The following B3GLCT variants were observed in gnomAD, a reference collection of about 807,000 sequenced individuals.
B3GLCT encodes beta-1,3-glucosyltransferase.
B3GLCT carries 65 observed loss-of-function variants against 63.4 expected under a neutral mutation model. The ratio of observed to expected loss-of-function variants is 1.03; its 90% CI spans 0.84 to 1.26. B3GLCT has a LOEUF of 1.26. Ranked by LOEUF, B3GLCT falls within the 50% of genes most tolerant of loss-of-function variation. The pLI is 0.00. For synonymous variants in B3GLCT, 233 were observed against 219.2 expected, an observed-to-expected ratio of 1.06 and a Z score of -0.55; for missense variants, 577 against 604.8, an observed-to-expected ratio of 0.95 and a Z score of 0.48.
intron 6 of B3GLCT, among the ~76,000 whole-genome samples, chr13:31,254,791 C>A (rs1014412575): frequency 6.6e-6 from 1 of 152,164 alleles, no homozygotes; most frequent in African/African-American, 2.4e-5. Context: ...GGGACTCACA[C>A]CTGTAATCCC....
At chr13:31,294,892 G>T (rs1012019939) in intron 12 of B3GLCT, among the ~76,000 whole-genome samples, 1 of 147,038 alleles carries the variant, frequency 6.8e-6, no homozygotes, top group East Asian at 2.0e-4. Context: ...AGGCATTCTG[G>T]TTTTTTTTTT....
chr13:31,277,381 C>A (rs576761888), intron 10 of B3GLCT, among the ~76,000 whole-genome samples: 4 of 149,100 alleles, frequency 2.7e-5, no homozygotes, highest in African/African-American at 1.0e-4. Context: ...TAAGTTGTGA[C>A]GATAATGTAA....
At chr13:31,270,997 G>A (rs894208449) in intron 8 of B3GLCT, among the ~76,000 whole-genome samples, 36 of 152,202 alleles carry the variant, frequency 2.4e-4, no homozygotes, top group African/African-American at 8.2e-4. Flanking sequence ...CCCTACACAC[G>A]AGTTGAAGAG....
At chr13:31,310,529 C>A (rs2137921697) in intron 12 of B3GLCT, among the ~76,000 whole-genome samples, 1 of 152,308 alleles carries the variant, frequency 6.6e-6, no homozygotes. Flanking sequence ...AGAGCTGTAA[C>A]ACTGTAATCC....
intron 6 of B3GLCT, among the ~76,000 whole-genome samples, chr13:31,256,156 A>G (rs1436503187): frequency 6.6e-6 from 1 of 152,240 alleles, no homozygotes; most frequent in African/African-American, 2.4e-5. Flanking sequence ...CAAGACATTT[A>G]TGCAGCCAAA....
chr13:31,222,062 T>G (rs569254714), intron 2 of B3GLCT, among the ~76,000 whole-genome samples: 1 of 150,498 alleles, frequency 6.6e-6, no homozygotes, highest in African/African-American at 2.4e-5. Flanking sequence ...AGGTGCCCCT[T>G]CTGTGCTCCT....
At chr13:31,328,669 G>A in intron 14 of B3GLCT, among the ~76,000 whole-genome samples, 1 of 135,584 alleles carries the variant, frequency 7.4e-6, no homozygotes, top group East Asian at 2.2e-4. Context: ...CTCCAGCCTG[G>A]GCAGCAGAGT....
At chr13:31,282,023 AAGTTT>A (rs1873093443) in intron 10 of B3GLCT, among the ~76,000 whole-genome samples, 1 of 152,180 alleles carries the variant, frequency 6.6e-6, no homozygotes, top group South Asian at 2.1e-4. Context: ...ACTTTGCTCC[AAGTTT>A]AAGTTATCTC....
intron 10 of B3GLCT, among the ~76,000 whole-genome samples, 167 bp from the exon 11 acceptor site, chr13:31,284,481 T>G (rs1873219113): frequency 6.6e-6 from 1 of 152,214 alleles, no homozygotes; most frequent in Non-Finnish European, 1.5e-5. Flanking sequence ...AGGGTTTTAG[T>G]CAACAACGTT....
In B3GLCT at chr13:31,253,618, A is replaced by AAAAAAAAAAAAAC. The variant is rs1555249042; in HGVS notation, c.459+5655_459+5656insAAAAAAAAACAAA. Reference sequence around the variant, plus strand: ...CTCAAAAAAAAAAAAAAAAAAAAAAAAAACTAGAGAAGCAAGAGCAAGCAA... The same window carrying AAAAAAAAAAAAAC: ...CTCAAAAAAAAAAAAAAAAAAAAAAAAAAAAAAAAAAACAAACTAGAGAAGCAAGAGCAAGCAA... On this transcript the variant is annotated intron_variant, in intron 6 of 14. Transcript: ENST00000343307. Among the ~76,000 whole-genome samples, 4 of 82,312 alleles carry AAAAAAAAAAAAAC rather than the reference A, an allele frequency of 4.9e-5. 1 individual carries two copies. Among genetic ancestry groups the AAAAAAAAAAAAAC allele is most frequent in the South Asian group, 5.1e-4 (1 of 1,954 alleles). 54.0% of individuals were successfully genotyped at this position (82,312 alleles called of 152,430 possible). A position where few individuals can be genotyped will look rare whatever the true frequency, so the allele number is the denominator to read the frequency against.
intron 10 of B3GLCT, among the ~76,000 whole-genome samples, chr13:31,279,456 A>G (rs570130815): frequency 7.6e-4 from 116 of 152,266 alleles, no homozygotes; most frequent in African/African-American, 2.6e-3. Context: ...CGGGGGAGAC[A>G]TCACATGTTG....
chr13:31,208,844 C>CG (rs1869115643), intron 1 of B3GLCT, among the ~76,000 whole-genome samples: 1 of 152,012 alleles, frequency 6.6e-6, no homozygotes, highest in Admixed American at 6.6e-5. Flanking sequence ...TCCCCAATAC[C>CG]ACCCCCTCCC....
At chr13:31,290,112 G>C (rs1473458520) in intron 12 of B3GLCT, among the ~76,000 whole-genome samples, 1 of 152,100 alleles carries the variant, frequency 6.6e-6, no homozygotes, top group Non-Finnish European at 1.5e-5. Flanking sequence ...CTGAGAACAT[G>C]TGGCGTTTGG....
At chr13:31,261,204 G>A in intron 7 of B3GLCT, 122 bp downstream of exon 7, 1 of 1,178,340 alleles carries the variant, frequency 8.5e-7, no homozygotes, top group Non-Finnish European at 1.2e-6. Context: ...GAGGCAGTGT[G>A]TGGTAAGATC....
At chr13:31,238,402 T>C (rs1366034347) in intron 4 of B3GLCT, among the ~76,000 whole-genome samples, 2 of 152,240 alleles carry the variant, frequency 1.3e-5, no homozygotes, top group African/African-American at 4.8e-5. Flanking sequence ...ATCTCCAGTT[T>C]TGAAGCTTAT....
Position 31,330,680 on chromosome 13 carries a change from G to A in B3GLCT, c.*1012G>A, listed in dbSNP as rs1875877018. 6.6e-6 allele frequency: 1 copy of A among 151,638 alleles called. No homozygotes were observed. The highest frequency in any genetic ancestry group is 2.4e-5 in the African/African-American group (1 of 41,280). 9.4% of individuals were successfully genotyped at this position (151,638 alleles called of 1,614,324 possible). A position where few individuals can be genotyped will look rare whatever the true frequency, so the allele number is the denominator to read the frequency against. ...CATTTGAACACAGTATTTTGAAACAGCTCTAGTTTTCAAATTATATCTTTA... is the reference window on the plus strand; with the variant it reads ...CATTTGAACACAGTATTTTGAAACAACTCTAGTTTTCAAATTATATCTTTA... On this transcript the variant is annotated 3_prime_UTR_variant, in exon 15 of 15. Coordinates refer to ENST00000343307, the MANE Select transcript of B3GLCT (RefSeq NM_194318.4).
chr13:31,281,597 A>C (rs1057197268), intron 10 of B3GLCT, among the ~76,000 whole-genome samples: 16 of 152,180 alleles, frequency 1.1e-4, no homozygotes, highest in Non-Finnish European at 2.4e-4. Context: ...GTGTTAGGGC[A>C]TCCAGGAGGG....
chr13:31,212,851 C>T (rs1869341917), intron 1 of B3GLCT, among the ~76,000 whole-genome samples: 1 of 152,142 alleles, frequency 6.6e-6, no homozygotes, highest in Admixed American at 6.5e-5. Flanking sequence ...GTATGATATT[C>T]CTTAAGTAAT....
At chr13:31,278,420 C>T (rs964662164) in intron 10 of B3GLCT, among the ~76,000 whole-genome samples, 9 of 152,110 alleles carry the variant, frequency 5.9e-5, no homozygotes, top group African/African-American at 1.9e-4. Context: ...TTAAAAATTA[C>T]AAAATCTTAA....
Sources: gnomAD v4.1 joint callset for allele counts (sites outside exome capture counted in the v4.1 genomes callset) on GRCh38, gnomAD v4.1.1 for gene constraint, MANE v1.5 for transcripts, NCBI Gene and HGNC (gene_info 2026-07-23, HGNC 2026-07-21) for gene names.